Variants in MERTK observed in about 807,000 individuals in gnomAD.
MERTK encodes the protein tyrosine-protein kinase Mer.
In MERTK, 69 loss-of-function variants were observed where a neutral mutation model predicts 99.3. That is an observed-to-expected ratio of 0.70 (90% CI 0.57 to 0.85). The LOEUF is 0.85. Ranked by LOEUF, MERTK falls within the 40% of genes least tolerant of loss-of-function variation. The pLI, the probability that MERTK is intolerant of heterozygous loss-of-function variation, is 0.00. For missense variants in MERTK, 1,125 were observed against 1,249.4 expected (o/e 0.90, Z 1.50); for synonymous variants, 426 against 467.6 (o/e 0.91, Z 1.15).
At chr2:111,984,733 T>C (rs1168690547) in intron 8 of MERTK, among the ~76,000 whole-genome samples, 1 of 152,156 alleles carries the variant, frequency 6.6e-6, no homozygotes, top group African/African-American at 2.4e-5. Flanking sequence ...ATAATTACAT[T>C]GAGTTTGCTG....
At chr2:111,911,634 G>A (rs1684250084) in intron 1 of MERTK, among the ~76,000 whole-genome samples, 1 of 146,318 alleles carries the variant, frequency 6.8e-6, no homozygotes, top group African/African-American at 2.6e-5. Flanking sequence ...AGTGTGATCT[G>A]CCCGTCTCAG....
chr2:111,971,950 GT>G (rs2104730169), intron 6 of MERTK, among the ~76,000 whole-genome samples: 1 of 152,270 alleles, frequency 6.6e-6, no homozygotes, highest in Non-Finnish European at 1.5e-5. Context: ...CGTTCTATCA[GT>G]TTTTGCTTCA....
Position 112,001,204 on chromosome 2 carries a change from T to C in MERTK, c.1608T>C (p.Asn536=). The stretch of plus-strand genomic sequence containing the variant: ...ATCTTTGTTTTCATTCACCCAGGAA[T>C]GCATTCACAGAGGAGGATTCTGAAT... The part of the protein sequence containing the change: ...RKRVQETKFG[N]AFTEEDSELV... Residue 536 remains asparagine (N), a synonymous_variant, in exon 11 of 19, where the codon AAT becomes AAC. Coordinates refer to ENST00000295408, the MANE Select transcript of MERTK (RefSeq NM_006343.3). 6.2e-7 allele frequency: 1 copy of C among 1,610,736 alleles called. No homozygotes were observed. The highest frequency in any genetic ancestry group is 1.3e-5 in the African/African-American group (1 of 74,964).
chr2:111,915,694 G>A (rs377256132), intron 1 of MERTK, among the ~76,000 whole-genome samples: 6 of 152,208 alleles, frequency 3.9e-5, no homozygotes, highest in Non-Finnish European at 1.5e-5. Flanking sequence ...TCAGGAGTTC[G>A]AGACCAGTCT....
At chr2:111,955,700 G>A (rs979670137) in intron 4 of MERTK, among the ~76,000 whole-genome samples, 1 of 152,156 alleles carries the variant, frequency 6.6e-6, no homozygotes, top group African/African-American at 2.4e-5. Flanking sequence ...GCTGGGTGAA[G>A]GATGTACAGT....
At chr2:111,923,934 G>T (rs1449661022) in intron 1 of MERTK, among the ~76,000 whole-genome samples, 1 of 152,108 alleles carries the variant, frequency 6.6e-6, no homozygotes, top group Non-Finnish European at 1.5e-5. Flanking sequence ...CCTTGGAATG[G>T]TTTTTGTTTT....
At chr2:111,986,898 A>T (rs1435448922) in intron 8 of MERTK, among the ~76,000 whole-genome samples, 1 of 152,188 alleles carries the variant, frequency 6.6e-6, no homozygotes, top group Non-Finnish European at 1.5e-5. Flanking sequence ...CAAGCTTATG[A>T]TCCAAAACTA....
At chr2:111,982,582 C>T (rs1676394360) in intron 7 of MERTK, among the ~76,000 whole-genome samples, 2 of 152,124 alleles carry the variant, frequency 1.3e-5, no homozygotes, top group African/African-American at 4.8e-5. Context: ...TAGAAAGGGT[C>T]TCACTATGTT....
chr2:111,981,176 G>A (rs1676364776), intron 7 of MERTK, among the ~76,000 whole-genome samples: 1 of 152,134 alleles, frequency 6.6e-6, no homozygotes, highest in Non-Finnish European at 1.5e-5. Context: ...ACACATATCT[G>A]AAATATAGAA....
At chr2:111,937,634 C>G (rs995816141) in intron 2 of MERTK, among the ~76,000 whole-genome samples, 2 of 151,810 alleles carry the variant, frequency 1.3e-5, no homozygotes, top group Non-Finnish European at 2.9e-5. Context: ...TGCCTGTTGC[C>G]GGTTCTTTAT....
At chr2:111,912,471 AC>A (rs758414522) in intron 1 of MERTK, among the ~76,000 whole-genome samples, 1 of 152,030 alleles carries the variant, frequency 6.6e-6, no homozygotes, top group Non-Finnish European at 1.5e-5. Flanking sequence ...AGGTATCAAA[AC>A]CCCTATCCAA....
intron 11 of MERTK, among the ~76,000 whole-genome samples, 172 bp from the exon 12 acceptor site, chr2:112,002,920 C>T (rs1676898930): frequency 6.6e-6 from 1 of 152,138 alleles, no homozygotes; most frequent in Admixed American, 6.5e-5. Flanking sequence ...TTGCAGTGAG[C>T]CAAGGTTGCA....
chr2:111,965,394 T>C lies in MERTK; in HGVS notation c.844+117T>C, dbSNP rs1685341441. 6 of 971,064 alleles carry C rather than the reference T, an allele frequency of 6.2e-6. No homozygotes were observed. The East Asian group carries it at 1.3e-4, about 21-fold the overall frequency. 60.2% of individuals were successfully genotyped at this position (971,064 alleles called of 1,614,324 possible). ...GGCTTTCTCACTGTCTCAAGGTTCT[T>C]TGTGACCTTGGACAACTCACTTCTC... On this transcript the variant is annotated intron_variant, in intron 5 of 18. Transcript: ENST00000295408.
At chr2:111,936,306 C>T (rs1258572300) in intron 2 of MERTK, among the ~76,000 whole-genome samples, 1 of 152,088 alleles carries the variant, frequency 6.6e-6, no homozygotes, top group East Asian at 1.9e-4. Context: ...CTGTATATTA[C>T]TAAAAGTCTT....
At chr2:111,946,357 A>C (rs1380670476) in intron 3 of MERTK, among the ~76,000 whole-genome samples, 1 of 152,214 alleles carries the variant, frequency 6.6e-6, no homozygotes, top group Non-Finnish European at 1.5e-5. Flanking sequence ...AACAGGATAA[A>C]AGAATTCCAT....
At chr2:111,957,572 TCTTA>T (rs2104714389) in intron 4 of MERTK, among the ~76,000 whole-genome samples, 1 of 152,300 alleles carries the variant, frequency 6.6e-6, no homozygotes, top group East Asian at 1.9e-4. Context: ...ATATCATACA[TCTTA>T]CTTATCAAGG....
intron 1 of MERTK, among the ~76,000 whole-genome samples, chr2:111,922,590 A>G (rs533870951): frequency 1.3e-5 from 2 of 152,342 alleles, no homozygotes; most frequent in East Asian, 1.9e-4. Flanking sequence ...CCAGCAGGCC[A>G]GGGTTCAGAT....
Position 111,974,880 on chromosome 2 carries a change from T to C in MERTK, c.961-409T>C, listed in dbSNP as rs185512603. Among the ~76,000 whole-genome samples, 674 of 145,224 alleles carry C rather than the reference T, an allele frequency of 4.6e-3. 5 individuals are homozygous for C. The highest frequency in any genetic ancestry group is 0.017 in the South Asian group (78 of 4,574). On this transcript the variant is annotated intron_variant, in intron 6 of 18. Transcript: ENST00000295408. ...GAAATATTTCCTTTAAAAGGCAAAA[T>C]AGTAAATATTTCAGGGTTTGCCAGC...
At chr2:111,985,121 A>G (rs1343737037) in intron 8 of MERTK, among the ~76,000 whole-genome samples, 6 of 152,194 alleles carry the variant, frequency 3.9e-5, no homozygotes, top group African/African-American at 1.4e-4. Context: ...TATGTGTGAA[A>G]TAGTGGCTTC....
Sources: allele counts gnomAD v4.1 joint callset (sites outside exome capture counted in the v4.1 genomes callset), GRCh38; gene constraint gnomAD v4.1.1; transcripts MANE v1.5; gene names NCBI Gene and HGNC (gene_info 2026-07-23, HGNC 2026-07-21).